JAG1: variants seen among roughly 807,000 people sequenced by gnomAD.
The protein encoded by JAG1 is protein jagged-1.
In JAG1, 23 loss-of-function variants were observed where a neutral mutation model predicts 148.7. That is an observed-to-expected ratio of 0.15 (90% CI 0.11 to 0.22). JAG1 has a LOEUF of 0.22. Among genes scored for constraint, JAG1 ranks in the 10% least tolerant of loss-of-function variants. The pLI is 1.00. For synonymous variants in JAG1, 572 were observed against 598.3 expected (o/e 0.96, Z 0.64); for missense variants, 1,054 against 1,611.2 (o/e 0.65, Z 5.92).
At chr20:10,657,983 T>C (rs2067389380) in intron 4 of JAG1, among the ~76,000 whole-genome samples, 1 of 152,130 alleles carries the variant, frequency 6.6e-6, no homozygotes. Context: ...GAGAAGGGGA[T>C]CTGGACATAG....
rs2067257283 is a variant in JAG1, at chr20:10,639,778, A to G, written c.3377T>C (p.Ile1126Thr). 1.2e-6 allele frequency: 2 copies of G among 1,613,878 alleles called. No homozygotes were observed. Among genetic ancestry groups the G allele is most frequent in the South Asian group, 1.1e-5 (1 of 91,078 alleles). Reference sequence around the variant, plus strand: ...GACCGTGTTGGCCCCATGTTTCTCAATGGGGTTTTTGATCTGGTTCAGCTG... The same window carrying G: ...GACCGTGTTGGCCCCATGTTTCTCAGTGGGGTTTTTGATCTGGTTCAGCTG... ...REQLNQIKNP[I>T]EKHGANTVPI... The change falls in exon 26 of 26, where the codon ATT becomes ACT. Residue 1126 changes from isoleucine (I) to threonine (T), a missense_variant. Ile to Thr is a moderately conservative substitution (Grantham distance 89, BLOSUM62 -1). Around this residue, in one of 6 missense-constraint regions of JAG1, gnomAD observed 177 missense variants for 177.3 expected, o/e 1.00. Transcript: ENST00000254958.
chr20:10,639,334 G>C lies in JAG1; in HGVS notation c.*164C>G. On this transcript the variant is annotated 3_prime_UTR_variant, in exon 26 of 26. Transcript: ENST00000254958. ...GTGAGATGCGGCACTCGATTTCCCA[G>C]CCAACCACAGAAACTACCATTGCCA... 2 of 748,096 alleles carry C rather than the reference G, an allele frequency of 2.7e-6. No individual in the cohort carries two copies. Among genetic ancestry groups the C allele is most frequent in the Non-Finnish European group, 4.8e-6 (2 of 416,546 alleles). 46.3% of individuals were successfully genotyped at this position (748,096 alleles called of 1,614,324 possible). A position where few individuals can be genotyped will look rare whatever the true frequency, so the allele number is the denominator to read the frequency against.
Position 10,639,649 on chromosome 20 carries a change from C to G in JAG1, c.3506G>C (p.Arg1169Pro). Residue 1169 changes from arginine to proline, a missense_variant, in exon 26 of 26, where the codon CGG (arginine) becomes CCG (proline). This residue lies in a region of JAG1 where 177 missense variants were observed against 177.3 expected (regional missense o/e 1.00). Coordinates refer to ENST00000254958, the MANE Select transcript of JAG1 (RefSeq NM_000214.3). Reference sequence around the variant, plus strand: ...CGTGTACGCCGGCTGCTTGGCAAACCGGGCTTTCTGCTGGTGTTTGTCCAT... The same window carrying G: ...CGTGTACGCCGGCTGCTTGGCAAACGGGGCTTTCTGCTGGTGTTTGTCCAT... Reference protein sequence around the residue: ...DDMDKHQQKARFAKQPAYTLV... With the variant: ...DDMDKHQQKAPFAKQPAYTLV... 1 of 1,614,192 alleles carries G rather than the reference C, an allele frequency of 6.2e-7. No individual in the cohort carries two copies. Among genetic ancestry groups the G allele is most frequent in the Non-Finnish European group, 8.5e-7 (1 of 1,180,026 alleles).
At chr20:10,643,062 C>T (rs530967371) in intron 20 of JAG1, among the ~76,000 whole-genome samples, 5 of 152,362 alleles carry the variant, frequency 3.3e-5, no homozygotes, top group South Asian at 2.1e-4. Flanking sequence ...GGGCTGGATA[C>T]GGCCCCTGGG....
chr20:10,645,709 G>A lies in JAG1; in HGVS notation c.2000-240C>T. On this transcript the variant is annotated intron_variant, in intron 15 of 25. Coordinates refer to ENST00000254958, the MANE Select transcript of JAG1 (RefSeq NM_000214.3). The surrounding 1 kb of genome is among the most constrained non-coding windows in gnomAD (Gnocchi z 6.1). ...CTCTGGAAGTCCCATGGAAATGAAA[G>A]TAGAAATATGACTTTCCTTGCAAGC... 1.6e-6 allele frequency: 1 copy of A among 618,854 alleles called. No individual in the cohort carries two copies. The highest frequency in any genetic ancestry group is 2.9e-6 in the Non-Finnish European group (1 of 350,362). The allele number at this position is 618,854 out of a possible 1,614,324, so 38.3% of individuals were successfully genotyped here.
chr20:10,646,893 G>A (rs757579374), intron 14 of JAG1, 46 bp downstream of exon 14: 16 of 1,592,256 alleles, frequency 1.0e-5, no homozygotes, highest in Middle Eastern at 1.7e-4. Context: ...CAGGGGCAGG[G>A]GCAGGCTGGG....
intron 25 of JAG1, 52 bp from the exon 26 acceptor site, chr20:10,640,007 C>A: frequency 7.1e-7 from 1 of 1,417,174 alleles, no homozygotes. Context: ...AAGAAAAAAG[C>A]ATCATCGCAG....
chr20:10,641,217 C>T lies in JAG1; in HGVS notation c.2944G>A (p.Glu982Lys), dbSNP rs2067268843. ...PGLTTEHICS[E>K]LRNLNILKNV... ...TTCAAAATATTCAAATTCCTCAATT[C>T]ACTGCAAATGTGCTCCGTAGTAAGA... The change falls in exon 24 of 26, where the codon GAA becomes AAA. Residue 982 changes from glutamate (E) to lysine (K), a missense_variant. Coordinates refer to ENST00000254958, the MANE Select transcript of JAG1 (RefSeq NM_000214.3). 6.2e-7 allele frequency: 1 copy of T among 1,614,012 alleles called. No homozygotes were observed. The highest frequency in any genetic ancestry group is 8.5e-7 in the Non-Finnish European group (1 of 1,180,018).
intron 12 of JAG1, 30 bp from the exon 13 acceptor site, chr20:10,648,140 G>A (rs370318652): frequency 3.7e-6 from 6 of 1,613,836 alleles, no homozygotes; most frequent in Admixed American, 1.7e-5. Flanking sequence ...CGAAAAGGGG[G>A]AGGGATCAGA....
chr20:10,655,319 C>G (rs903251914), intron 5 of JAG1, among the ~76,000 whole-genome samples: 1 of 152,190 alleles, frequency 6.6e-6, no homozygotes, highest in Non-Finnish European at 1.5e-5. Flanking sequence ...AAACCAAGGA[C>G]TAGGATTCTA....
intron 2 of JAG1, among the ~76,000 whole-genome samples, chr20:10,669,054 C>A (rs1268394983): frequency 2.6e-5 from 4 of 151,958 alleles, no homozygotes; most frequent in Non-Finnish European, 5.9e-5. Flanking sequence ...AACCAAGTAC[C>A]TGGAATAAAG....
At chr20:10,648,942 A>G (rs530893542) in intron 11 of JAG1, 119 bp downstream of exon 11, 67 of 974,114 alleles carry the variant, frequency 6.9e-5, no homozygotes, top group Non-Finnish European at 6.5e-6. Flanking sequence ...AACTTCCAAG[A>G]GACTCTTTTT....
chr20:10,648,128 A>G lies in JAG1; in HGVS notation c.1570-18T>C. The G allele has an allele frequency of 6.2e-7, 1 of 1,614,174 alleles. No individual in the cohort carries two copies. Among genetic ancestry groups the G allele is most frequent in the South Asian group, 1.1e-5 (1 of 91,078 alleles). ...ATGTCCAGCTGCAAATATCAGGAAC[A>G]GCGAAAAGGGGGAGGGATCAGAGTA... is the stretch of plus-strand genomic sequence containing the variant. On this transcript the variant is annotated intron_variant, in intron 12 of 25. Coordinates refer to ENST00000254958, the MANE Select transcript of JAG1 (RefSeq NM_000214.3).
chr20:10,665,955 C>T (rs2067451140), intron 2 of JAG1, among the ~76,000 whole-genome samples: 1 of 152,258 alleles, frequency 6.6e-6, no homozygotes, highest in Non-Finnish European at 1.5e-5. Context: ...AGTTGCTGAC[C>T]GACATCACCC....
chr20:10,646,886 G>T lies in JAG1; in HGVS notation c.1885+53C>A, dbSNP rs879143738. ...CAGGGTGGGCCAGGGGCAGAGGCAG[G>T]GGCAGGGGCAGGCTGGGGAGCACTG... On this transcript the variant is annotated intron_variant, in intron 14 of 25. Coordinates refer to ENST00000254958, the MANE Select transcript of JAG1 (RefSeq NM_000214.3). 2.2e-5 allele frequency: 35 copies of T among 1,566,938 alleles called. No homozygotes were observed. In the South Asian group the frequency reaches 3.4e-4, roughly 15 times the overall value.
chr20:10,656,064 G>A (rs530956028), intron 5 of JAG1, among the ~76,000 whole-genome samples: 1 of 152,200 alleles, frequency 6.6e-6, no homozygotes, highest in Non-Finnish European at 1.5e-5. Flanking sequence ...AGAGGAGAGA[G>A]ACGCAAAGAA....
intron 2 of JAG1, among the ~76,000 whole-genome samples, chr20:10,667,231 C>A (rs980895650): frequency 2.0e-5 from 3 of 152,220 alleles, no homozygotes; most frequent in African/African-American, 7.2e-5. Flanking sequence ...CAGGCAGGCC[C>A]GCCGGCGGCA....
chr20:10,668,446 G>C (rs909283952), intron 2 of JAG1, among the ~76,000 whole-genome samples: 1 of 152,234 alleles, frequency 6.6e-6, no homozygotes, highest in African/African-American at 2.4e-5. Context: ...TACCATGGAA[G>C]AATTTGCAGG....
chr20:10,669,279 T>C (rs975182364), intron 2 of JAG1, among the ~76,000 whole-genome samples: 15 of 152,046 alleles, frequency 9.9e-5, no homozygotes, highest in Non-Finnish European at 1.8e-4. Flanking sequence ...TTTCTTTGTA[T>C]ACATGCTGAC....
Sources: allele counts gnomAD v4.1 joint callset (sites outside exome capture counted in the v4.1 genomes callset), GRCh38; gene constraint gnomAD v4.1.1; regional missense constraint gnomAD v4.1.1; non-coding constraint Gnocchi (gnomAD v3.1); transcripts MANE v1.5; gene names NCBI Gene and HGNC (gene_info 2026-07-23, HGNC 2026-07-21).